LSM4: variants seen among roughly 807,000 people sequenced by gnomAD.
LSM4 encodes LSM4 homolog, U6 small nuclear RNA and mRNA degradation associated, also known as U6 snRNA-associated Sm-like protein LSm4.
Under a neutral mutation model 22.3 loss-of-function variants are expected in LSM4, and 15 were observed. The ratio of observed to expected loss-of-function variants is 0.67; its 90% CI spans 0.45 to 1.03. The LOEUF (loss-of-function observed/expected upper bound fraction) is 1.03, where lower values mean the gene tolerates loss of function less well. Ranked by LOEUF, LSM4 falls within the 50% of genes least tolerant of loss-of-function variation. The pLI is 0.00. For synonymous variants in LSM4, 90 were observed against 79.8 expected (o/e 1.13, Z -0.68); for missense variants, 127 against 198.0 (o/e 0.64, Z 2.15).
chr19:18,319,690 C>T (rs1484100256), intron 1 of LSM4, among the ~76,000 whole-genome samples: 1 of 152,218 alleles, frequency 6.6e-6, no homozygotes, highest in African/African-American at 2.4e-5. Context: ...CCCATTCCTG[C>T]CACCTGACCT....
intron 2 of LSM4, among the ~76,000 whole-genome samples, chr19:18,315,482 G>T (rs561004285): frequency 9.2e-5 from 14 of 151,890 alleles, no homozygotes; most frequent in South Asian, 2.1e-4. Context: ...AAGTGACAGG[G>T]TCTTGCTATA....
intron 1 of LSM4, among the ~76,000 whole-genome samples, chr19:18,322,382 A>C (rs760394058): frequency 9.2e-5 from 14 of 152,158 alleles, no homozygotes; most frequent in African/African-American, 3.1e-4. Context: ...TGGGCCCTGC[A>C]GAGACCTGGG....
At chr19:18,313,782 C>T (rs1970323293) in intron 2 of LSM4, among the ~76,000 whole-genome samples, 1 of 152,020 alleles carries the variant, frequency 6.6e-6, no homozygotes, top group Admixed American at 6.6e-5. Context: ...TCCCGGGGTG[C>T]TGGGATTATA....
intron 2 of LSM4, among the ~76,000 whole-genome samples, chr19:18,315,804 G>A (rs1970348247): frequency 1.3e-5 from 2 of 152,064 alleles, no homozygotes; most frequent in Admixed American, 6.6e-5. Context: ...TTACAGGCGC[G>A]AGCCACTGCA....
In LSM4 at chr19:18,306,823, A is replaced by C. The variant is rs1970228611; in HGVS notation, c.*641T>G. 1 of 152,226 alleles carries C rather than the reference A, an allele frequency of 6.6e-6. No homozygotes were observed. The highest frequency in any genetic ancestry group is 1.5e-5 in the Non-Finnish European group (1 of 68,042). 9.4% of individuals were successfully genotyped at this position (152,226 alleles called of 1,614,324 possible). ...CTCAAAAGGAAGCTTCCCTTACGGG[A>C]ACGGGGATTTCCTGAGAGTCCAGCG... is the stretch of plus-strand genomic sequence containing the variant. On this transcript the variant is annotated 3_prime_UTR_variant, in exon 5 of 5. Coordinates refer to ENST00000593829, the MANE Select transcript of LSM4 (RefSeq NM_012321.5).
At chr19:18,317,597 T>C (rs1259460556) in intron 1 of LSM4, among the ~76,000 whole-genome samples, 1 of 152,020 alleles carries the variant, frequency 6.6e-6, no homozygotes, top group Admixed American at 6.6e-5. Flanking sequence ...TCCGCCTGCC[T>C]TGGCCTCTCA....
intron 1 of LSM4, among the ~76,000 whole-genome samples, chr19:18,319,898 T>C (rs1298547072): frequency 1.3e-5 from 2 of 152,198 alleles, no homozygotes; most frequent in Non-Finnish European, 2.9e-5. Context: ...GGGTGTGGAC[T>C]TTGTCCAGGG....
In LSM4 at chr19:18,309,872, G is replaced by A; in HGVS notation, c.145-11C>T. Reference sequence around the variant, plus strand: ...GAACTTGTCCCCGTCCTGCGGAGAAGGGGAGCAGGTTATTAACTTACCACC... The same window carrying A: ...GAACTTGTCCCCGTCCTGCGGAGAAAGGGAGCAGGTTATTAACTTACCACC... On this transcript the variant is annotated splice_polypyrimidine_tract_variant and intron_variant, in intron 3 of 4. Coordinates refer to ENST00000593829, the MANE Select transcript of LSM4 (RefSeq NM_012321.5). 2 of 1,612,066 alleles carry A rather than the reference G, an allele frequency of 1.2e-6. No individual in the cohort carries two copies. The highest frequency in any genetic ancestry group is 1.3e-5 in the African/African-American group (1 of 74,970).
chr19:18,323,032 G>C lies in LSM4; in HGVS notation c.-12C>G. ...CCTGCCCTCACCATGGTGCCGGCGG[G>C]GACCGGGCTCGCCGGCCACTTCCGC... On this transcript the variant is annotated 5_prime_UTR_variant, in exon 1 of 5. Coordinates refer to ENST00000593829, the MANE Select transcript of LSM4 (RefSeq NM_012321.5). 2 of 1,553,288 alleles carry C rather than the reference G, an allele frequency of 1.3e-6. No individual in the cohort carries two copies. Among genetic ancestry groups the C allele is most frequent in the Non-Finnish European group, 1.7e-6 (2 of 1,157,528 alleles).
Position 18,322,929 on chromosome 19 carries a change from C to A in LSM4, c.3+89G>T. ...GCTCGGACCTTACGTTCGCCCCGCGCCAACCAAGCCCACAGCGCCCGCCCG... is the reference window on the plus strand; with the variant it reads ...GCTCGGACCTTACGTTCGCCCCGCGACAACCAAGCCCACAGCGCCCGCCCG... On this transcript the variant is annotated intron_variant, in intron 1 of 4. Coordinates refer to ENST00000593829, the MANE Select transcript of LSM4 (RefSeq NM_012321.5). 5.2e-6 allele frequency: 8 copies of A among 1,550,618 alleles called. No individual in the cohort carries two copies. In the South Asian group the frequency reaches 9.4e-5, roughly 18 times the overall value.
intron 4 of LSM4, among the ~76,000 whole-genome samples, chr19:18,308,352 T>C (rs1006903049): frequency 6.6e-6 from 1 of 152,190 alleles, no homozygotes; most frequent in Admixed American, 6.5e-5. Flanking sequence ...GGACCCAACA[T>C]TGATCCCTCC....
chr19:18,307,903 T>G, intron 4 of LSM4, among the ~76,000 whole-genome samples: 1 of 139,086 alleles, frequency 7.2e-6, no homozygotes, highest in African/African-American at 2.8e-5. Context: ...AGGAGAGGCG[T>G]GGAGCAGAGA....
At chr19:18,320,342 A>G (rs1970412558) in intron 1 of LSM4, among the ~76,000 whole-genome samples, 1 of 152,182 alleles carries the variant, frequency 6.6e-6, no homozygotes, top group African/African-American at 2.4e-5. Context: ...TTCTGTCTCT[A>G]CAAAAAATCT....
rs1410329948 is a variant in LSM4, at chr19:18,315,028, G to A, written c.45+996C>T. ...GCCTTCCAAGTAGCTGGGACTGCAGGTGCCCGCCATCACGCCCGGCTAATT... is the reference window on the plus strand; with the variant it reads ...GCCTTCCAAGTAGCTGGGACTGCAGATGCCCGCCATCACGCCCGGCTAATT... On this transcript the variant is annotated intron_variant, in intron 2 of 4. Transcript: ENST00000593829. Among the ~76,000 whole-genome samples the A allele has an allele frequency of 2.0e-5, 3 of 152,082 alleles. No individual in the cohort carries two copies. The East Asian group carries it at 5.8e-4, about 29-fold the overall frequency.
rs1179186016 is a variant in LSM4 at position 18,316,857 on chromosome 19, A to G, written c.4-792T>C. ...CTTGCAGGGCAGCCCCAACTGGCCC[A>G]AGACTGACACTGCCAGGCCCCAATG... On this transcript the variant is annotated intron_variant, in intron 1 of 4. Coordinates refer to ENST00000593829, the MANE Select transcript of LSM4 (RefSeq NM_012321.5). Among the ~76,000 whole-genome samples the G allele has an allele frequency of 2.0e-5, 3 of 152,306 alleles. No individual in the cohort carries two copies. In the South Asian group the frequency reaches 6.2e-4, roughly 32 times the overall value.
chr19:18,322,408 C>G (rs1376868002), intron 1 of LSM4, among the ~76,000 whole-genome samples: 4 of 152,108 alleles, frequency 2.6e-5, no homozygotes, highest in Non-Finnish European at 5.9e-5. Flanking sequence ...ATTTTTCCTT[C>G]TTTGTATTGG....
chr19:18,313,840 TG>T (rs1212047279), intron 2 of LSM4, among the ~76,000 whole-genome samples: 2 of 152,048 alleles, frequency 1.3e-5, no homozygotes, highest in African/African-American at 4.8e-5. Flanking sequence ...TCTTTTGAGA[TG>T]GAAGTTTCTC....
At chr19:18,322,651 A>T (rs1970437021) in intron 1 of LSM4, among the ~76,000 whole-genome samples, 1 of 152,020 alleles carries the variant, frequency 6.6e-6, no homozygotes, top group African/African-American at 2.4e-5. Context: ...TCAATCAGGG[A>T]GGTCAGACTG....
chr19:18,321,356 C>T (rs1252368117), intron 1 of LSM4, among the ~76,000 whole-genome samples: 1 of 152,194 alleles, frequency 6.6e-6, no homozygotes, highest in African/African-American at 2.4e-5. Context: ...AATCCTTGCA[C>T]TTGAAATCGC....
Sources: gnomAD v4.1 joint callset for allele counts (sites outside exome capture counted in the v4.1 genomes callset) on GRCh38, gnomAD v4.1.1 for gene constraint, MANE v1.5 for transcripts, NCBI Gene and HGNC (gene_info 2026-07-23, HGNC 2026-07-21) for gene names.